The following CADPS variants were observed in gnomAD, a reference collection of about 807,000 sequenced individuals.
The protein encoded by CADPS is calcium-dependent secretion activator 1.
Under a neutral mutation model 167.3 loss-of-function variants are expected in CADPS, and 57 were observed. The ratio of observed to expected loss-of-function variants is 0.34; its 90% CI spans 0.28 to 0.42. The LOEUF (loss-of-function observed/expected upper bound fraction) is 0.42. Among genes scored for constraint, CADPS ranks in the 20% least tolerant of loss-of-function variants. The pLI, the probability that CADPS is intolerant of heterozygous loss-of-function variation, is 1.00. For missense variants in CADPS, 1,414 were observed against 1,738.1 expected, an observed-to-expected ratio of 0.81 and a Z score of 3.32; for synonymous variants, 676 against 635.3, an observed-to-expected ratio of 1.06 and a Z score of -0.96.
chr3:62,466,179 C>G (rs1457108106), intron 25 of CADPS, among the ~76,000 whole-genome samples, 160 bp downstream of exon 25: 1 of 152,092 alleles, frequency 6.6e-6, no homozygotes, highest in African/African-American at 2.4e-5. Context: ...TCGAGATCAT[C>G]GGAAAATCAT....
At chr3:62,623,553 A>G (rs2063510702) in intron 6 of CADPS, among the ~76,000 whole-genome samples, 2 of 152,342 alleles carry the variant, frequency 1.3e-5, no homozygotes, top group South Asian at 4.1e-4. Flanking sequence ...ATAAGAAGAT[A>G]ATATGACCCA....
chr3:62,810,612 C>A (rs1163631295), intron 1 of CADPS, among the ~76,000 whole-genome samples: 6 of 152,152 alleles, frequency 3.9e-5, no homozygotes, highest in African/African-American at 1.4e-4. Flanking sequence ...AACAAAATGA[C>A]TTCCATTATC....
chr3:62,674,149 A>C (rs1207713255), intron 3 of CADPS, among the ~76,000 whole-genome samples: 1 of 152,118 alleles, frequency 6.6e-6, no homozygotes. Context: ...AGTGGTGTGT[A>C]TATATGTGCA....
intron 1 of CADPS, among the ~76,000 whole-genome samples, chr3:62,781,118 G>A (rs2091492383): frequency 6.6e-6 from 1 of 152,158 alleles, no homozygotes; most frequent in African/African-American, 2.4e-5. Context: ...TTGTGTTGCA[G>A]GAGGTGTGTT....
At chr3:62,715,926 T>C (rs1581015276) in intron 3 of CADPS, among the ~76,000 whole-genome samples, 1 of 151,666 alleles carries the variant, frequency 6.6e-6, no homozygotes, top group African/African-American at 2.4e-5. Flanking sequence ...TTTGTATTTT[T>C]AGAAGAGACG....
chr3:62,679,991 T>TA (rs907178248), intron 3 of CADPS, among the ~76,000 whole-genome samples: 2 of 151,798 alleles, frequency 1.3e-5, no homozygotes, highest in East Asian at 1.9e-4. Context: ...ACTTTCCTTC[T>TA]AAAAAAACTG....
At chr3:62,679,500 C>T (rs1013913886) in intron 3 of CADPS, among the ~76,000 whole-genome samples, 1 of 151,882 alleles carries the variant, frequency 6.6e-6, no homozygotes, top group Admixed American at 6.6e-5. Flanking sequence ...TGAAGATCTC[C>T]CTAAGAGTAG....
intron 3 of CADPS, among the ~76,000 whole-genome samples, chr3:62,675,954 A>C (rs1368635727): frequency 6.6e-6 from 1 of 151,494 alleles, no homozygotes; most frequent in African/African-American, 2.4e-5. Context: ...ATTACTGTAA[A>C]ATCCTCCCCA....
rs75258539 is a variant in CADPS at position 62,585,979 on chromosome 3, A to G, written c.1438-655T>C. 8.5e-4 allele frequency among the ~76,000 whole-genome samples: 130 copies of G among 152,310 alleles called. 4 individuals carry two copies. In the East Asian group the frequency reaches 0.021, roughly 24 times the overall value. ...AATGCCTTTCATCAGTGTGCTTCAG[A>G]GATGGCAGTTTGATTTGGGTCTTCT... On this transcript the variant is annotated intron_variant, in intron 7 of 29. Transcript: ENST00000383710.
intron 14 of CADPS, among the ~76,000 whole-genome samples, chr3:62,516,957 T>C (rs2069140425): frequency 6.6e-6 from 1 of 152,134 alleles, no homozygotes; most frequent in Non-Finnish European, 1.5e-5. Context: ...TGTGACCTTA[T>C]ATGTTATTAT....
At chr3:62,555,387 G>A (rs1232025525) in intron 10 of CADPS, among the ~76,000 whole-genome samples, 1 of 152,198 alleles carries the variant, frequency 6.6e-6, no homozygotes, top group African/African-American at 2.4e-5. Context: ...AGATAATTTT[G>A]CTTTCATCTG....
In CADPS at chr3:62,822,267, T is replaced by G. The variant is rs485247; in HGVS notation, c.441+52322A>C. On this transcript the variant is annotated intron_variant, in intron 1 of 29. Transcript: ENST00000383710. ...GCAAGTGTCACTGCGGGCATTCTTA[T>G]AATTCTGCCTACCACATCACCCTTG... Among the ~76,000 whole-genome samples the G allele has an allele frequency of 1.8e-3, 280 of 152,282 alleles. 1 individual carries two copies. Among genetic ancestry groups the G allele is most frequent in the African/African-American group, 6.5e-3 (269 of 41,550 alleles).
At chr3:62,440,732 AT>A (rs2056156495) in intron 27 of CADPS, 1 of 152,080 alleles carries the variant, frequency 6.6e-6, no homozygotes, top group Non-Finnish European at 1.5e-5. Context: ...GAAGAGGGGG[AT>A]TGTTTGAAAA....
At chr3:62,532,395 C>G (rs2073883532) in intron 13 of CADPS, among the ~76,000 whole-genome samples, 2 of 152,088 alleles carry the variant, frequency 1.3e-5, no homozygotes, top group African/African-American at 4.8e-5. Context: ...GTGACTGACA[C>G]TAAGGAAGTA....
At chr3:62,574,545 A>G (rs1348551287) in intron 8 of CADPS, among the ~76,000 whole-genome samples, 1 of 152,218 alleles carries the variant, frequency 6.6e-6, no homozygotes, top group African/African-American at 2.4e-5. Flanking sequence ...CTGGGGTTAC[A>G]TAGATCATCT....
Position 62,585,238 on chromosome 3 carries a change from G to A in CADPS, c.1524C>T (p.Leu508=), listed in dbSNP as rs1390609699. ...CCATTCGGACAGCAAGTTTGATTTTGAGATCTTGGTCGGGGCAGTTTTTGG... is the reference window on the plus strand; with the variant it reads ...CCATTCGGACAGCAAGTTTGATTTTAAGATCTTGGTCGGGGCAGTTTTTGG... ...TVSKNCPDQD[L]KIKLAVRMDK... is the part of the protein sequence containing the mutation. Residue 508 remains leucine, a synonymous_variant, in exon 8 of 30, where the codon CTC becomes CTT. Coordinates refer to ENST00000383710, the MANE Select transcript of CADPS (RefSeq NM_003716.4). 6.2e-7 allele frequency: 1 copy of A among 1,614,058 alleles called. No homozygotes were observed. The highest frequency in any genetic ancestry group is 1.1e-5 in the South Asian group (1 of 91,078).
intron 4 of CADPS, among the ~76,000 whole-genome samples, chr3:62,655,251 C>A (rs979060797): frequency 9.2e-5 from 14 of 152,292 alleles, no homozygotes; most frequent in African/African-American, 3.4e-4. Flanking sequence ...TTTTCAGTGG[C>A]AGACCCATTG....
At chr3:62,843,699 A>G (rs564702759) in intron 1 of CADPS, among the ~76,000 whole-genome samples, 16 of 152,320 alleles carry the variant, frequency 1.1e-4, no homozygotes, top group African/African-American at 3.4e-4. Context: ...AGCCAGCTAG[A>G]AGGAGGAAGG....
chr3:62,670,021 G>GA (rs1325571526), intron 3 of CADPS, among the ~76,000 whole-genome samples: 2 of 152,046 alleles, frequency 1.3e-5, no homozygotes, highest in Non-Finnish European at 2.9e-5. Context: ...TAATCCTTAG[G>GA]AAAAAAATCA....
Sources: allele counts gnomAD v4.1 joint callset (sites outside exome capture counted in the v4.1 genomes callset), GRCh38; gene constraint gnomAD v4.1.1; transcripts MANE v1.5; gene names NCBI Gene and HGNC (gene_info 2026-07-23, HGNC 2026-07-21).